The following SNX29 variants were observed in gnomAD, a reference collection of about 807,000 sequenced individuals.
The protein encoded by SNX29 is sorting nexin-29.
A neutral mutation model predicts 102.1 loss-of-function variants in SNX29; 78 were observed. That is an observed-to-expected ratio of 0.76 (90% CI 0.64 to 0.92). SNX29 has a LOEUF of 0.92. Among genes scored for constraint, SNX29 ranks in the 40% least tolerant of loss-of-function variants. The probability of loss-of-function intolerance (pLI) is 0.00; values close to 1 mark genes in which losing one functional copy is unlikely to be tolerated. For synonymous variants in SNX29, 580 were observed against 414.5 expected (o/e 1.40, Z -4.85); for missense variants, 1,280 against 1,061.7 (o/e 1.21, Z -2.86).
chr16:12,013,500 A>AAAAAAAAAAAAAATAT, intron 3 of SNX29, among the ~76,000 whole-genome samples: 5 of 31,628 alleles, frequency 1.6e-4, no homozygotes, highest in Non-Finnish European at 3.1e-4. Context: ...AAAAAAAAAA[A>AAAAAAAAAAAAAATAT]ATATATATAT....
At chr16:12,126,743 C>G in intron 12 of SNX29, 47 bp downstream of exon 12, 1 of 1,603,716 alleles carries the variant, frequency 6.2e-7, no homozygotes, top group Non-Finnish European at 8.5e-7. Flanking sequence ...CTTTGACATT[C>G]TGCCTCTGGG....
chr16:12,509,416 G>A (rs779349827), intron 19 of SNX29, among the ~76,000 whole-genome samples: 29 of 152,172 alleles, frequency 1.9e-4, no homozygotes, highest in Non-Finnish European at 2.6e-4. Context: ...AATGTAGAGT[G>A]TCTGAGAGCA....
chr16:12,538,956 C>G (rs564022011), intron 20 of SNX29, among the ~76,000 whole-genome samples: 4 of 152,234 alleles, frequency 2.6e-5, no homozygotes, highest in East Asian at 1.9e-4. Flanking sequence ...CTGTGAAATG[C>G]TAAGGCAAGT....
chr16:12,160,529 G>A (rs921923304), intron 13 of SNX29, among the ~76,000 whole-genome samples: 1 of 152,150 alleles, frequency 6.6e-6, no homozygotes, highest in Admixed American at 6.6e-5. Context: ...AGACAGAAAC[G>A]AGATTAGTGG....
intron 11 of SNX29, chr16:12,087,480 T>C (rs1051788054): frequency 8.7e-6 from 2 of 230,500 alleles, no homozygotes; most frequent in Non-Finnish European, 8.7e-6. Context: ...GTCTGTGGAC[T>C]CAGCTTCTTG....
intron 11 of SNX29, among the ~76,000 whole-genome samples, chr16:12,120,809 T>C (rs892271495): frequency 5.9e-5 from 9 of 152,148 alleles, no homozygotes; most frequent in African/African-American, 1.9e-4. Context: ...GTCATGGTAA[T>C]GATGTATGGG....
intron 20 of SNX29, among the ~76,000 whole-genome samples, chr16:12,558,082 A>C (rs555033342): frequency 6.6e-6 from 1 of 152,236 alleles, no homozygotes; most frequent in Non-Finnish European, 1.5e-5. Context: ...TGAACATCCC[A>C]TGCAAAGTGG....
chr16:12,258,384 C>T (rs534284969), intron 14 of SNX29, among the ~76,000 whole-genome samples: 1 of 152,122 alleles, frequency 6.6e-6, no homozygotes, highest in African/African-American at 2.4e-5. Flanking sequence ...CCCGTGATAG[C>T]CCCATGATGG....
chr16:12,351,465 G>C (rs1001972876), intron 15 of SNX29, among the ~76,000 whole-genome samples: 1 of 152,156 alleles, frequency 6.6e-6, no homozygotes, highest in African/African-American at 2.4e-5. Flanking sequence ...GGGGTGTCTT[G>C]ATCTAATTAA....
At chr16:12,542,144 G>C (rs774702421) in intron 20 of SNX29, among the ~76,000 whole-genome samples, 1 of 152,036 alleles carries the variant, frequency 6.6e-6, no homozygotes. Flanking sequence ...TTCAGCCCAC[G>C]CTACCTGGGC....
At chr16:12,448,195 C>A (rs1597412200) in intron 18 of SNX29, among the ~76,000 whole-genome samples, 1 of 152,246 alleles carries the variant, frequency 6.6e-6, no homozygotes, top group East Asian at 1.9e-4. Flanking sequence ...GTGACAAAAC[C>A]AAGGCTTGCG....
chr16:12,335,039 G>A (rs1243233368), intron 15 of SNX29, among the ~76,000 whole-genome samples: 1 of 151,774 alleles, frequency 6.6e-6, no homozygotes, highest in Non-Finnish European at 1.5e-5. Flanking sequence ...TGCATGTGAG[G>A]GGAGGTTGAC....
chr16:12,391,831 CT>C (rs1246486702), intron 16 of SNX29, among the ~76,000 whole-genome samples: 1 of 152,174 alleles, frequency 6.6e-6, no homozygotes, highest in East Asian at 1.9e-4. Flanking sequence ...TTCTGATTTT[CT>C]TTCCACCATA....
chr16:12,271,356 T>C (rs1157756884), intron 14 of SNX29, among the ~76,000 whole-genome samples: 1 of 152,202 alleles, frequency 6.6e-6, no homozygotes, highest in Non-Finnish European at 1.5e-5. Flanking sequence ...TTCCTTGCCA[T>C]GAGGTTCTCT....
At chr16:12,505,550 T>A (rs1360850929) in intron 19 of SNX29, among the ~76,000 whole-genome samples, 2 of 152,066 alleles carry the variant, frequency 1.3e-5, no homozygotes, top group Non-Finnish European at 2.9e-5. Context: ...CATGATGCTG[T>A]GGGATATGTA....
At chr16:12,077,679 G>T (rs2051645771) in intron 10 of SNX29, among the ~76,000 whole-genome samples, 1 of 152,058 alleles carries the variant, frequency 6.6e-6, no homozygotes, top group South Asian at 2.1e-4. Flanking sequence ...GGAGTGCAGT[G>T]GCGTGATCTT....
chr16:12,284,257 T>G (rs1479618869), intron 15 of SNX29, among the ~76,000 whole-genome samples: 3 of 152,258 alleles, frequency 2.0e-5, no homozygotes, highest in Non-Finnish European at 4.4e-5. Flanking sequence ...TGCCACTTAC[T>G]GCCGTATGTT....
chr16:12,553,099 C>G (rs1351864354), intron 20 of SNX29, among the ~76,000 whole-genome samples: 1 of 147,602 alleles, frequency 6.8e-6, no homozygotes, highest in Non-Finnish European at 1.5e-5. Flanking sequence ...CAGGCTTGGC[C>G]TGGGGCTTTC....
chr16:12,567,180 A>T (rs2079046938), intron 20 of SNX29, among the ~76,000 whole-genome samples: 1 of 152,212 alleles, frequency 6.6e-6, no homozygotes, highest in Non-Finnish European at 1.5e-5. Context: ...TCCTGATCTG[A>T]CATTCTCACT....
Sources: allele counts gnomAD v4.1 joint callset (sites outside exome capture counted in the v4.1 genomes callset), GRCh38; gene constraint gnomAD v4.1.1; transcripts MANE v1.5; gene names NCBI Gene and HGNC (gene_info 2026-07-23, HGNC 2026-07-21).